The following JRK variants were observed in gnomAD, a reference collection of about 807,000 sequenced individuals.
JRK encodes the protein Jrk helix-turn-helix protein, also known as jerky protein homolog.
For synonymous variants in JRK, 303 were observed against 218.1 expected (o/e 1.39, Z -3.43); for missense variants, 720 against 509.2 (o/e 1.41, Z -3.98).
In JRK at chr8:142,660,996, T is replaced by G; in HGVS notation, c.*3356A>C. 1.0e-6 allele frequency: 1 copy of G among 985,360 alleles called. No individual in the cohort carries two copies. The highest frequency in any genetic ancestry group is 1.2e-6 in the Non-Finnish European group (1 of 829,922). The allele number at this position is 985,360 out of a possible 1,614,324, so 61.0% of individuals were successfully genotyped here. A position where few individuals can be genotyped will look rare whatever the true frequency, so the allele number is the denominator to read the frequency against. Reference sequence around the variant, plus strand: ...GGGGCTGCGACTTCCTTTCTTCCAATCAACTCCACCACTAGCAATCAATCA... The same window carrying G: ...GGGGCTGCGACTTCCTTTCTTCCAAGCAACTCCACCACTAGCAATCAATCA... On this transcript the variant is annotated 3_prime_UTR_variant, in exon 2 of 2. Coordinates refer to ENST00000612905, the MANE Select transcript of JRK (RefSeq NM_003724.4).
At chr8:142,648,660 C>T in the JRK span, among the ~76,000 whole-genome samples, 1 of 152,240 alleles carries the variant, frequency 6.6e-6, no homozygotes, top group Non-Finnish European at 1.5e-5. Context: ...AGGGGTGGGG[C>T]CCTCAGGAGA....
rs116150226 is a variant in JRK, at chr8:142,661,107, C to G, written c.*3245G>C. On this transcript the variant is annotated 3_prime_UTR_variant, in exon 2 of 2. Coordinates refer to ENST00000612905, the MANE Select transcript of JRK (RefSeq NM_003724.4). ...TCGCATGCTCAGCCATGGCTGAGCA[C>G]GAATGAAGCATATGGAAGTCACGCA... is the stretch of plus-strand genomic sequence containing the variant. The G allele has an allele frequency of 1.4e-5, 14 of 985,444 alleles. No individual in the cohort carries two copies. In the African/African-American group the frequency reaches 2.4e-4, roughly 17 times the overall value. 61.0% of individuals were successfully genotyped at this position (985,444 alleles called of 1,614,324 possible). A position where few individuals can be genotyped will look rare whatever the true frequency, so the allele number is the denominator to read the frequency against.
rs1846902523 is a variant in JRK at position 142,661,134 on chromosome 8, A to G, written c.*3218T>C. 2.0e-5 allele frequency: 20 copies of G among 985,508 alleles called. No individual in the cohort carries two copies. Among genetic ancestry groups the G allele is most frequent in the Non-Finnish European group, 2.4e-5 (20 of 829,972 alleles). The allele number at this position is 985,508 out of a possible 1,614,324, so 61.0% of individuals were successfully genotyped here. On this transcript the variant is annotated 3_prime_UTR_variant, in exon 2 of 2. Transcript: ENST00000612905. Reference sequence around the variant, plus strand: ...AATGAAGCATATGGAAGTCACGCACAGACAGGCCCAGGGCAAGGTCTGCTC... The same window carrying G: ...AATGAAGCATATGGAAGTCACGCACGGACAGGCCCAGGGCAAGGTCTGCTC...
the JRK span, among the ~76,000 whole-genome samples, chr8:142,647,974 G>A: frequency 1.3e-5 from 2 of 152,210 alleles, no homozygotes; most frequent in Non-Finnish European, 2.9e-5. Flanking sequence ...AGCTAGTTGG[G>A]AACTGGAGTA....
Position 142,669,163 on chromosome 8 carries a change from A to AGTGTGTGTGTGTGTGTGTGT in JRK, c.-463+749_-463+768dup, listed in dbSNP as rs59300327. Among the ~76,000 whole-genome samples the AGTGTGTGTGTGTGTGTGTGT allele has an allele frequency of 2.9e-5, 4 of 136,122 alleles. No homozygotes were observed. In the East Asian group the frequency reaches 7.1e-4, roughly 24 times the overall value. 89.3% of individuals were successfully genotyped at this position (136,122 alleles called of 152,430 possible). A position where few individuals can be genotyped will look rare whatever the true frequency, so the allele number is the denominator to read the frequency against. ...CGGGAAACAACCTTCGCAGGGGCAT[A>AGTGTGTGTGTGTGTGTGTGT]GTGTGTGTGTGTGTGTGTGTGTGTG... On this transcript the variant is annotated intron_variant, in intron 1 of 1. Transcript: ENST00000612905.
the JRK span, among the ~76,000 whole-genome samples, chr8:142,649,162 C>T: frequency 8.8e-4 from 134 of 152,290 alleles, no homozygotes; most frequent in Admixed American, 2.2e-3. Context: ...CTTTCCTTGT[C>T]TCAGAAGAGA....
At chr8:142,667,582 G>T (rs587761083) in intron 1 of JRK, among the ~76,000 whole-genome samples, 1 of 152,272 alleles carries the variant, frequency 6.6e-6, no homozygotes, top group Non-Finnish European at 1.5e-5. Flanking sequence ...ATGAACAAAT[G>T]ACTAATTTAC....
rs372378657 is a variant in JRK, at chr8:142,664,748, G to A, written c.1311C>T (p.Ala437=). 34 of 1,594,840 alleles carry A rather than the reference G, an allele frequency of 2.1e-5. No homozygotes were observed. Among genetic ancestry groups the A allele is most frequent in the Admixed American group, 5.3e-5 (3 of 57,094 alleles). Residue 437 remains alanine, a synonymous_variant, in exon 2 of 2, where the codon GCC becomes GCT. Transcript: ENST00000612905. ...CCCTTCCCGCTACCCCCCAGCTGGC[G>A]GCCTGGCGCTGGCGAAGCTGGCCCG... ...SCPGQLRQRQ[A]ASWGVAGREA... is the part of the protein sequence containing the mutation.
the JRK span, among the ~76,000 whole-genome samples, chr8:142,643,836 CTG>C: frequency 6.6e-6 from 1 of 152,196 alleles, no homozygotes; most frequent in Non-Finnish European, 1.5e-5. Flanking sequence ...ATGTAAATAA[CTG>C]TATTGCCACA....
rs1554636031 is a variant in JRK, at chr8:142,666,015, C to T, written c.44G>A (p.Arg15Gln). ...PAAGKSRGEKRKRVVLTLKEK... is the reference protein window; with the variant it reads ...PAAGKSRGEKQKRVVLTLKEK... ...CTTCAGTGTCAGCACCACCCTCTTC[C>T]GCTTCTCCCCTCTGCTCTTCCCGGC... is the stretch of plus-strand genomic sequence containing the variant. The change falls in exon 2 of 2, where the codon CGG becomes CAG. Residue 15 changes from arginine to glutamine, a missense_variant. Arg to Gln is a conservative substitution (Grantham distance 43, BLOSUM62 1). Coordinates refer to ENST00000612905, the MANE Select transcript of JRK (RefSeq NM_003724.4). 10 of 1,488,912 alleles carry T rather than the reference C, an allele frequency of 6.7e-6. No homozygotes were observed. Among genetic ancestry groups the T allele is most frequent in the Admixed American group, 1.7e-5 (1 of 59,830 alleles). 92.2% of individuals were successfully genotyped at this position (1,488,912 alleles called of 1,614,324 possible).
Position 142,663,059 on chromosome 8 carries a change from G to A in JRK, c.*1293C>T, listed in dbSNP as rs868987666. On this transcript the variant is annotated 3_prime_UTR_variant, in exon 2 of 2. Transcript: ENST00000612905. Reference sequence around the variant, plus strand: ...TCCCAGCTACTCAGGAGGCTGGGGCGGGAGGATCACTCAAGCCAGGGAGGT... The same window carrying A: ...TCCCAGCTACTCAGGAGGCTGGGGCAGGAGGATCACTCAAGCCAGGGAGGT... 16 of 725,032 alleles carry A rather than the reference G, an allele frequency of 2.2e-5. No individual in the cohort carries two copies. Among genetic ancestry groups the A allele is most frequent in the Middle Eastern group, 6.9e-4 (1 of 1,452 alleles). 44.9% of individuals were successfully genotyped at this position (725,032 alleles called of 1,614,324 possible). A position where few individuals can be genotyped will look rare whatever the true frequency, so the allele number is the denominator to read the frequency against.
chr8:142,649,728 G>C, the JRK span, among the ~76,000 whole-genome samples: 7 of 152,184 alleles, frequency 4.6e-5, no homozygotes, highest in Non-Finnish European at 1.0e-4. Context: ...GAAACGACTG[G>C]ATGTCCAGGA....
chr8:142,646,956 C>CG, the JRK span, among the ~76,000 whole-genome samples: 3 of 152,078 alleles, frequency 2.0e-5, no homozygotes, highest in Admixed American at 6.6e-5. Context: ...ATTAAATAGC[C>CG]CTAAGTCTGC....
In JRK at chr8:142,660,070, G is replaced by C. The variant is rs1449993735; in HGVS notation, c.*4282C>G. 1.0e-6 allele frequency: 1 copy of C among 985,724 alleles called. No individual in the cohort carries two copies. The highest frequency in any genetic ancestry group is 6.1e-5 in the Admixed American group (1 of 16,270). The allele number at this position is 985,724 out of a possible 1,614,324, so 61.1% of individuals were successfully genotyped here. On this transcript the variant is annotated 3_prime_UTR_variant, in exon 2 of 2. Coordinates refer to ENST00000612905, the MANE Select transcript of JRK (RefSeq NM_003724.4). ...GTGGCTGCCATGGCTGCAGCTCCTG[G>C]CCCTGCGGACAGCCAGGCCTGGGGT... is the stretch of plus-strand genomic sequence containing the variant.
chr8:142,659,412 T>C lies in JRK; in HGVS notation c.*4940A>G. 1.0e-6 allele frequency: 1 copy of C among 987,146 alleles called. No homozygotes were observed. Among genetic ancestry groups the C allele is most frequent in the Non-Finnish European group, 1.2e-6 (1 of 830,992 alleles). 61.1% of individuals were successfully genotyped at this position (987,146 alleles called of 1,614,324 possible). ...CTCGCCTGTGTGGGACGGGGCTACC[T>C]GCAGACATAGAGGGCCTTTGAGCAC... On this transcript the variant is annotated 3_prime_UTR_variant, in exon 2 of 2. Coordinates refer to ENST00000612905, the MANE Select transcript of JRK (RefSeq NM_003724.4).
At chr8:142,669,155 AG>A (rs1847228813) in intron 1 of JRK, among the ~76,000 whole-genome samples, 1 of 138,490 alleles carries the variant, frequency 7.2e-6, no homozygotes, top group Admixed American at 7.2e-5. Flanking sequence ...CAACCTTCGC[AG>A]GGGCATAGTG....
chr8:142,648,443 C>T, the JRK span, among the ~76,000 whole-genome samples: 4 of 152,338 alleles, frequency 2.6e-5, no homozygotes, highest in African/African-American at 9.6e-5. Context: ...ACTTGGTGCC[C>T]TGCATCCCAG....
At chr8:142,652,919 C>T (rs782074317), downstream of JRK, among the ~76,000 whole-genome samples, 30 of 152,194 alleles carry the variant, frequency 2.0e-4, no homozygotes, top group Non-Finnish European at 4.0e-4. Context: ...ATTTTTTACA[C>T]CCCTCTGTGA....
At chr8:142,643,864 C>A in the JRK span, among the ~76,000 whole-genome samples, 2 of 152,136 alleles carry the variant, frequency 1.3e-5, no homozygotes, top group Non-Finnish European at 2.9e-5. Flanking sequence ...CTTCCAAATT[C>A]TGGAGAAATC....
Sources: gnomAD v4.1 joint callset for allele counts (sites outside exome capture counted in the v4.1 genomes callset) on GRCh38, gnomAD v4.1.1 for gene constraint, MANE v1.5 for transcripts, NCBI Gene and HGNC (gene_info 2026-07-23, HGNC 2026-07-21) for gene names.